ANKRD29: variants seen among roughly 807,000 people sequenced by gnomAD.
The protein encoded by ANKRD29 is ankyrin repeat domain-containing protein 29.
ANKRD29 carries 32 observed loss-of-function variants against 38.0 expected under a neutral mutation model. That is an observed-to-expected ratio of 0.84 (90% CI 0.64 to 1.13). The LOEUF (loss-of-function observed/expected upper bound fraction) is 1.13, where lower values mean the gene tolerates loss of function less well. Among genes scored for constraint, ANKRD29 ranks in the 50% most tolerant of loss-of-function variants. The probability of loss-of-function intolerance (pLI) is 0.00; values close to 1 mark genes in which losing one functional copy is unlikely to be tolerated. For synonymous variants in ANKRD29, 135 were observed against 152.4 expected, an observed-to-expected ratio of 0.89 and a Z score of 0.84; for missense variants, 357 against 377.9, an observed-to-expected ratio of 0.94 and a Z score of 0.46.
intron 4 of ANKRD29, among the ~76,000 whole-genome samples, chr18:23,635,936 AG>A (rs1041875067): frequency 4.6e-5 from 7 of 152,182 alleles, no homozygotes; most frequent in African/African-American, 1.4e-4. Context: ...AATGGAGAGG[AG>A]GGAGGCTGAA....
At chr18:23,659,588 C>T (rs926991623) in intron 1 of ANKRD29, among the ~76,000 whole-genome samples, 3 of 151,590 alleles carry the variant, frequency 2.0e-5, no homozygotes, top group African/African-American at 7.3e-5. Flanking sequence ...ACTAAAAATA[C>T]AAAAATTAGC....
chr18:23,655,616 C>A (rs897647134), intron 1 of ANKRD29, among the ~76,000 whole-genome samples: 1 of 151,464 alleles, frequency 6.6e-6, no homozygotes, highest in Non-Finnish European at 1.5e-5. Flanking sequence ...GGCTAATTTT[C>A]GTACTTTTTA....
At position 23,601,323 on chromosome 18, in the gene ANKRD29, A is replaced by C. The variant is rs2059509201; in HGVS notation, c.823-14T>G. The C allele has an allele frequency of 2.5e-6, 4 of 1,612,388 alleles. No individual in the cohort carries two copies. Among genetic ancestry groups the C allele is most frequent in the Non-Finnish European group, 3.4e-6 (4 of 1,178,554 alleles). On this transcript the variant is annotated splice_polypyrimidine_tract_variant and intron_variant, in intron 9 of 9. Coordinates refer to ENST00000592179, the MANE Select transcript of ANKRD29 (RefSeq NM_173505.4). ...AAGTTCATTGGCCTGAAAGAAGAGA[A>C]GATGGGCATTAGTGAATCCCCATAG...
chr18:23,605,830 TA>T (rs2059568932), intron 9 of ANKRD29, among the ~76,000 whole-genome samples: 1 of 152,084 alleles, frequency 6.6e-6, no homozygotes, highest in South Asian at 2.1e-4. Flanking sequence ...CCCAGCCAAT[TA>T]CACAAAATTT....
At chr18:23,634,966 G>A (rs1244387246) in intron 4 of ANKRD29, among the ~76,000 whole-genome samples, 1 of 152,210 alleles carries the variant, frequency 6.6e-6, no homozygotes, top group Admixed American at 6.5e-5. Flanking sequence ...CATGGGACAA[G>A]ATCTGCTGCC....
chr18:23,632,261 C>G lies in ANKRD29; in HGVS notation c.429+1790G>C, dbSNP rs549858155. Reference sequence around the variant, plus strand: ...TTCTTTTTTTAATTTTTTTTTAACTCTCAGGAATTTTCCAAGATGAACTAC... The same window carrying G: ...TTCTTTTTTTAATTTTTTTTTAACTGTCAGGAATTTTCCAAGATGAACTAC... On this transcript the variant is annotated intron_variant, in intron 5 of 9. Transcript: ENST00000592179. Among the ~76,000 whole-genome samples, 56 of 151,594 alleles carry G rather than the reference C, an allele frequency of 3.7e-4. 1 individual carries two copies. The highest frequency in any genetic ancestry group is 1.2e-3 in the African/African-American group (49 of 41,296).
chr18:23,649,080 T>A lies in ANKRD29; in HGVS notation c.132+3A>T. ...TGGGCATGCATCTACCGAACCACCG[T>A]ACGCTGTCTCTGCAGTCCACGTCCA... On this transcript the variant is annotated splice_donor_region_variant and intron_variant, in intron 2 of 9. Coordinates refer to ENST00000592179, the MANE Select transcript of ANKRD29 (RefSeq NM_173505.4). 1 of 1,613,792 alleles carries A rather than the reference T, an allele frequency of 6.2e-7. No homozygotes were observed.
chr18:23,619,417 A>G (rs1291391892), intron 7 of ANKRD29, 114 bp downstream of exon 7: 3 of 1,003,624 alleles, frequency 3.0e-6, no homozygotes, highest in Non-Finnish European at 2.8e-6. Flanking sequence ...TTCCTGCTCA[A>G]GGAAGGAGGT....
At position 23,601,203 on chromosome 18, in the gene ANKRD29, T is replaced by C. The variant is rs758305718; in HGVS notation, c.*23A>G. The C allele has an allele frequency of 6.2e-7, 1 of 1,602,718 alleles. No individual in the cohort carries two copies. The highest frequency in any genetic ancestry group is 1.1e-5 in the South Asian group (1 of 90,734). On this transcript the variant is annotated 3_prime_UTR_variant, in exon 10 of 10. Transcript: ENST00000592179. The stretch of plus-strand genomic sequence containing the variant: ...GGACAATGTGGTTAAGCTTTCTATC[T>C]TTCTGTCAAATATGGAGCTAAGTTA...
At chr18:23,642,667 T>C (rs1369473592) in intron 3 of ANKRD29, among the ~76,000 whole-genome samples, 1 of 152,194 alleles carries the variant, frequency 6.6e-6, no homozygotes, top group South Asian at 2.1e-4. Context: ...GGTTTCCAGC[T>C]GGCAAAGTGA....
At position 23,634,142 on chromosome 18, in the gene ANKRD29, C is replaced by A; in HGVS notation, c.338G>T (p.Gly113Val). Residue 113 changes from glycine to valine, a missense_variant, in exon 5 of 10, where the codon GGC (glycine) becomes GTC (valine). Coordinates refer to ENST00000592179, the MANE Select transcript of ANKRD29 (RefSeq NM_173505.4). The part of the protein sequence containing the change: ...ASTEFRTKDG[G>V]TALLAASQYG... ...CTGACTGGCAGCCAACAGGGCGGTGCCCCCGTCCTATGGACATGCAAAGTA... is the reference window on the plus strand; with the variant it reads ...CTGACTGGCAGCCAACAGGGCGGTGACCCCGTCCTATGGACATGCAAAGTA... 1 of 1,614,076 alleles carries A rather than the reference C, an allele frequency of 6.2e-7. No homozygotes were observed. The highest frequency in any genetic ancestry group is 8.5e-7 in the Non-Finnish European group (1 of 1,179,960).
Position 23,638,733 on chromosome 18 carries a change from G to A in ANKRD29, c.330+116C>T, listed in dbSNP as rs186103322. ...ACCTTGAGGAAATCCACTTACTTAG[G>A]TTTGAGAATCTTGTAAAAAGGGAAA... is the stretch of plus-strand genomic sequence containing the variant. On this transcript the variant is annotated intron_variant, in intron 4 of 9. Coordinates refer to ENST00000592179, the MANE Select transcript of ANKRD29 (RefSeq NM_173505.4). The A allele has an allele frequency of 1.9e-4, 156 of 832,680 alleles. 2 individuals are homozygous for A. The African/African-American group carries it at 2.4e-3, about 13-fold the overall frequency. The allele number at this position is 832,680 out of a possible 1,614,324, so 51.6% of individuals were successfully genotyped here.
intron 1 of ANKRD29, among the ~76,000 whole-genome samples, chr18:23,660,911 G>A (rs1353057963): frequency 6.6e-6 from 1 of 152,182 alleles, no homozygotes; most frequent in Non-Finnish European, 1.5e-5. Context: ...ATTGCAATCT[G>A]GCTCCTGATC....
chr18:23,653,921 C>A (rs2060243503), intron 1 of ANKRD29, among the ~76,000 whole-genome samples: 1 of 151,808 alleles, frequency 6.6e-6, no homozygotes, highest in Non-Finnish European at 1.5e-5. Flanking sequence ...ATGAGTTAGT[C>A]AAGGTCACGC....
Position 23,629,926 on chromosome 18 carries a change from G to A in ANKRD29, c.455C>T (p.Ala152Val). 1 of 1,614,104 alleles carries A rather than the reference G, an allele frequency of 6.2e-7. No individual in the cohort carries two copies. Among genetic ancestry groups the A allele is most frequent in the Non-Finnish European group, 8.5e-7 (1 of 1,179,958 alleles). The change falls in exon 6 of 10, where the codon GCT (alanine) becomes GTT (valine). Residue 152 changes from alanine to valine, a missense_variant. Ala to Val is a moderately conservative substitution (Grantham distance 64). Coordinates refer to ENST00000592179, the MANE Select transcript of ANKRD29 (RefSeq NM_173505.4). ...AACATCCAAGTAACCACCTTGGGCA[G>A]CTAGGAAGAGGGCAGTGGCTCCATC... Reference protein sequence around the residue: ...LYDGATALFLAAQGGYLDVIR... With the variant: ...LYDGATALFLVAQGGYLDVIR...
chr18:23,625,830 A>C (rs988096167), intron 6 of ANKRD29, among the ~76,000 whole-genome samples: 1 of 152,086 alleles, frequency 6.6e-6, no homozygotes, highest in African/African-American at 2.4e-5. Context: ...TCCACCCAAA[A>C]AATCTGGGTC....
chr18:23,610,204 G>T (rs1004021926), intron 9 of ANKRD29, among the ~76,000 whole-genome samples: 5 of 152,174 alleles, frequency 3.3e-5, no homozygotes, highest in African/African-American at 1.2e-4. Context: ...ATGGCTGGGC[G>T]CAGTGGCTCA....
At chr18:23,603,067 T>C (rs938274517) in intron 9 of ANKRD29, among the ~76,000 whole-genome samples, 2 of 152,218 alleles carry the variant, frequency 1.3e-5, no homozygotes, top group African/African-American at 4.8e-5. Flanking sequence ...GATATGTAGC[T>C]GGAAAAGGAA....
At chr18:23,636,877 A>C (rs2060009877) in intron 4 of ANKRD29, among the ~76,000 whole-genome samples, 1 of 152,166 alleles carries the variant, frequency 6.6e-6, no homozygotes, top group South Asian at 2.1e-4. Context: ...CTTTTATTTT[A>C]TAAAACACAG....
Sources: gnomAD v4.1 joint callset for allele counts (sites outside exome capture counted in the v4.1 genomes callset) on GRCh38, gnomAD v4.1.1 for gene constraint, MANE v1.5 for transcripts, NCBI Gene and HGNC (gene_info 2026-07-23, HGNC 2026-07-21) for gene names.